C3orf70: variants seen among roughly 807,000 people sequenced by gnomAD.
C3orf70 encodes the protein UPF0524 protein C3orf70.
C3orf70 carries 15 observed loss-of-function variants against 20.7 expected under a neutral mutation model. The observed-to-expected ratio is 0.72, with a 90% CI of 0.48 to 1.11. The LOEUF (loss-of-function observed/expected upper bound fraction) is 1.11. Ranked by LOEUF, C3orf70 falls within the 50% of genes most tolerant of loss-of-function variation. C3orf70 has a pLI of 0.00. For missense variants in C3orf70, 332 were observed against 317.6 expected, an observed-to-expected ratio of 1.05 and a Z score of -0.34; for synonymous variants, 161 against 125.7, an observed-to-expected ratio of 1.28 and a Z score of -1.88.
intron 1 of C3orf70, among the ~76,000 whole-genome samples, chr3:185,141,297 A>G (rs578133717): frequency 6.6e-6 from 1 of 152,298 alleles, no homozygotes; most frequent in South Asian, 2.1e-4. Context: ...GGCCAGTCAT[A>G]CATTGCTAGT....
Position 185,077,283 on chromosome 3 carries a change from GCAGA to G in C3orf70, c.*5720_*5723del, listed in dbSNP as rs1384957200. On this transcript the variant is annotated 3_prime_UTR_variant, in exon 2 of 2. Coordinates refer to ENST00000335012, the MANE Select transcript of C3orf70 (RefSeq NM_001025266.3). ...TGCTGGGTTAGGGGGATGGAGTAAT[GCAGA>G]CAATGGGCCAAGAGTGCGGACTCTA... Among the ~76,000 whole-genome samples, 9 of 152,106 alleles carry G rather than the reference GCAGA, an allele frequency of 5.9e-5. No individual in the cohort carries two copies. The highest frequency in any genetic ancestry group is 2.6e-4 in the Admixed American group (4 of 15,272).
intron 1 of C3orf70, among the ~76,000 whole-genome samples, chr3:185,151,037 T>C (rs1716979917): frequency 6.6e-6 from 1 of 152,230 alleles, no homozygotes; most frequent in South Asian, 2.1e-4. Flanking sequence ...GCAATGTATA[T>C]ATGAAGAGTT....
rs1715212602 is a variant in C3orf70, at chr3:185,077,199, C to T, written c.*5808G>A. Among the ~76,000 whole-genome samples, 1 of 152,088 alleles carries T rather than the reference C, an allele frequency of 6.6e-6. No homozygotes were observed. On this transcript the variant is annotated 3_prime_UTR_variant, in exon 2 of 2. Transcript: ENST00000335012. ...GGGAAGCCTGTCAGTGTTTCTCCTC[C>T]ACTGTGTTGGGACCAGGTGCACTGA...
At chr3:185,112,528 T>A (rs1716095518) in intron 1 of C3orf70, among the ~76,000 whole-genome samples, 1 of 152,222 alleles carries the variant, frequency 6.6e-6, no homozygotes, top group African/African-American at 2.4e-5. Context: ...AGCCAAGTTT[T>A]TCAACAAATC....
At chr3:185,132,672 G>A (rs140707867) in intron 1 of C3orf70, among the ~76,000 whole-genome samples, 1 of 152,258 alleles carries the variant, frequency 6.6e-6, no homozygotes, top group African/African-American at 2.4e-5. Context: ...AGTTCCAGAA[G>A]AAGAAGACAA....
chr3:185,136,159 A>G (rs1482683294), intron 1 of C3orf70, among the ~76,000 whole-genome samples: 1 of 152,242 alleles, frequency 6.6e-6, no homozygotes, highest in East Asian at 1.9e-4. Flanking sequence ...AGTTATGGCT[A>G]TATTAATATC....
intron 1 of C3orf70, among the ~76,000 whole-genome samples, chr3:185,127,171 AAAAAGT>A (rs1216061795): frequency 6.6e-6 from 1 of 152,172 alleles, no homozygotes; most frequent in African/African-American, 2.4e-5. Context: ...CCATAGGATG[AAAAAGT>A]AAAAGTAAAA....
intron 1 of C3orf70, among the ~76,000 whole-genome samples, chr3:185,085,028 A>C (rs2108586227): frequency 6.6e-6 from 1 of 152,236 alleles, no homozygotes; most frequent in African/African-American, 2.4e-5. Context: ...TGTCTATCCT[A>C]GGCAGCATCC....
chr3:185,095,735 C>CT (rs756180408), intron 1 of C3orf70, among the ~76,000 whole-genome samples: 19,334 of 127,552 alleles, frequency 0.15, 1,978 homozygotes, highest in East Asian at 0.39. Flanking sequence ...CATTCTGAAA[C>CT]TTTTTTTTTT....
At chr3:185,085,945 G>A (rs1277415696) in intron 1 of C3orf70, among the ~76,000 whole-genome samples, 2 of 152,190 alleles carry the variant, frequency 1.3e-5, no homozygotes, top group Non-Finnish European at 2.9e-5. Flanking sequence ...TTGGCTGGTA[G>A]TTACTGAGCT....
intron 1 of C3orf70, among the ~76,000 whole-genome samples, chr3:185,125,295 G>A (rs1232317530): frequency 1.3e-5 from 2 of 151,972 alleles, no homozygotes; most frequent in African/African-American, 4.8e-5. Flanking sequence ...CAGGAGAATC[G>A]CTTGAACCCG....
intron 1 of C3orf70, among the ~76,000 whole-genome samples, chr3:185,125,958 C>T (rs147431152): frequency 0.01 from 1,566 of 152,128 alleles, 11 homozygotes; most frequent in Admixed American, 0.018. Flanking sequence ...ATATTCTGCA[C>T]TTTGATGATA....
intron 1 of C3orf70, among the ~76,000 whole-genome samples, chr3:185,148,442 C>T (rs1302189268): frequency 1.3e-5 from 2 of 152,284 alleles, no homozygotes; most frequent in Middle Eastern, 3.4e-3. Context: ...CCTCCCTTCC[C>T]GACCAAATTT....
intron 1 of C3orf70, among the ~76,000 whole-genome samples, chr3:185,131,174 C>A (rs925601842): frequency 6.6e-6 from 1 of 152,178 alleles, no homozygotes; most frequent in Admixed American, 6.5e-5. Context: ...GTATTCATTA[C>A]GGCTTTAAAA....
At chr3:185,120,033 A>AAAAAAAAAAAAAAAAAGAAAAAGAAAG (rs55921240) in intron 1 of C3orf70, among the ~76,000 whole-genome samples, 31 of 100,728 alleles carry the variant, frequency 3.1e-4, no homozygotes, top group East Asian at 1.1e-3. Context: ...AAAAAAAAAA[A>AAAAAAAAAAAAAAAAAGAAAAAGAAAG]AAAAAGAAAA....
chr3:185,096,371 C>T (rs1715704493), intron 1 of C3orf70, among the ~76,000 whole-genome samples: 1 of 152,110 alleles, frequency 6.6e-6, no homozygotes, highest in Non-Finnish European at 1.5e-5. Context: ...TGTTCCTGAA[C>T]CACCTCTTCC....
chr3:185,100,343 A>G (rs955877802), intron 1 of C3orf70, among the ~76,000 whole-genome samples: 3 of 152,180 alleles, frequency 2.0e-5, no homozygotes, highest in African/African-American at 7.2e-5. Context: ...CAAAACAACC[A>G]CACTCTCGGA....
intron 1 of C3orf70, among the ~76,000 whole-genome samples, chr3:185,136,392 A>G (rs991606890): frequency 2.0e-5 from 3 of 152,106 alleles, no homozygotes; most frequent in Admixed American, 2.0e-4. Flanking sequence ...GTTGGAGACC[A>G]GCCTGGCCAA....
At chr3:185,115,155 T>C (rs1480212219) in intron 1 of C3orf70, among the ~76,000 whole-genome samples, 1 of 152,200 alleles carries the variant, frequency 6.6e-6, no homozygotes, top group Non-Finnish European at 1.5e-5. Flanking sequence ...GGCATATATT[T>C]TTTTAAAAGC....
Sources: gnomAD v4.1 joint callset for allele counts (sites outside exome capture counted in the v4.1 genomes callset) on GRCh38, gnomAD v4.1.1 for gene constraint, MANE v1.5 for transcripts, NCBI Gene and HGNC (gene_info 2026-07-23, HGNC 2026-07-21) for gene names.